Variants in GABBR2 observed in about 807,000 individuals in gnomAD.
GABBR2 encodes the protein gamma-aminobutyric acid type B receptor subunit 2.
Under a neutral mutation model 105.6 loss-of-function variants are expected in GABBR2, and 23 were observed. That is an observed-to-expected ratio of 0.22 (90% CI 0.16 to 0.31). The LOEUF (loss-of-function observed/expected upper bound fraction) is 0.31. Ranked by LOEUF, GABBR2 falls within the 10% of genes least tolerant of loss-of-function variation. The pLI, the probability that GABBR2 is intolerant of heterozygous loss-of-function variation, is 1.00. For missense variants in GABBR2, 734 were observed against 1,245.5 expected (o/e 0.59, Z 6.18); for synonymous variants, 478 against 499.7 (o/e 0.96, Z 0.58).
At chr9:98,507,873 AC>A (rs1827544675) in intron 3 of GABBR2, among the ~76,000 whole-genome samples, 1 of 152,108 alleles carries the variant, frequency 6.6e-6, no homozygotes, top group Non-Finnish European at 1.5e-5. Flanking sequence ...AGGTCCAAGC[AC>A]CTTTCTTGGA....
chr9:98,366,119 A>G (rs1831671683), intron 12 of GABBR2, among the ~76,000 whole-genome samples: 1 of 152,054 alleles, frequency 6.6e-6, no homozygotes, highest in Non-Finnish European at 1.5e-5. Context: ...TTCCCTTCCC[A>G]CTCTGAACCA....
chr9:98,654,033 A>T (rs1830144863), intron 1 of GABBR2, among the ~76,000 whole-genome samples: 1 of 152,260 alleles, frequency 6.6e-6, no homozygotes, highest in South Asian at 2.1e-4. Flanking sequence ...CCTGGGACTT[A>T]CATTCTGGTT....
chr9:98,551,422 C>A (rs1033120970), intron 2 of GABBR2, among the ~76,000 whole-genome samples: 1 of 152,070 alleles, frequency 6.6e-6, no homozygotes, highest in Admixed American at 6.5e-5. Flanking sequence ...CAAACCAAAC[C>A]AAACAAAACA....
chr9:98,668,247 T>TAACAA (rs373653874), intron 1 of GABBR2, among the ~76,000 whole-genome samples: 1 of 1,210 alleles, frequency 8.3e-4, no homozygotes, highest in African/African-American at 0.011. Flanking sequence ...GATCCCAACT[T>TAACAA]AACAGTGGCT....
intron 13 of GABBR2, among the ~76,000 whole-genome samples, chr9:98,344,602 C>G (rs1831273148): frequency 1.3e-5 from 2 of 152,096 alleles, no homozygotes; most frequent in Non-Finnish European, 2.9e-5. Flanking sequence ...TCTCTCTTGA[C>G]CATCTGCCTG....
At chr9:98,471,571 C>T (rs1826681524) in intron 6 of GABBR2, among the ~76,000 whole-genome samples, 1 of 152,254 alleles carries the variant, frequency 6.6e-6, no homozygotes, top group African/African-American at 2.4e-5. Flanking sequence ...CTGAAAGCCA[C>T]ACCCTTAGAA....
chr9:98,560,805 C>T (rs1004330413), intron 2 of GABBR2, among the ~76,000 whole-genome samples: 6 of 146,704 alleles, frequency 4.1e-5, no homozygotes, highest in Non-Finnish European at 3.0e-5. Context: ...TATACATAGA[C>T]ACACATATAC....
intron 7 of GABBR2, among the ~76,000 whole-genome samples, chr9:98,442,408 T>C (rs1826048770): frequency 6.6e-6 from 1 of 152,236 alleles, no homozygotes; most frequent in South Asian, 2.1e-4. Context: ...AGAGCTTTTA[T>C]AGGTGTAGGA....
intron 1 of GABBR2, among the ~76,000 whole-genome samples, chr9:98,685,684 T>A (rs1830611677): frequency 6.6e-6 from 1 of 152,176 alleles, no homozygotes; most frequent in Non-Finnish European, 1.5e-5. Flanking sequence ...TAAACTATAG[T>A]TTTTGATTTT....
intron 3 of GABBR2, among the ~76,000 whole-genome samples, chr9:98,507,177 A>G (rs548487178): frequency 4.2e-4 from 64 of 152,254 alleles, no homozygotes; most frequent in African/African-American, 1.5e-3. Flanking sequence ...CCCTTCCCCC[A>G]ACAATGTCCA....
At position 98,535,114 on chromosome 9, in the gene GABBR2, G is replaced by A. The variant is rs115598078; in HGVS notation, c.630+6759C>T. Among the ~76,000 whole-genome samples, 224 of 152,114 alleles carry A rather than the reference G, an allele frequency of 1.5e-3. 1 individual carries two copies. Among genetic ancestry groups the A allele is most frequent in the African/African-American group, 5.1e-3 (213 of 41,506 alleles). Reference sequence around the variant, plus strand: ...GGATATTTTTTTTCAGGGGGGCACCGGGGGAACAGAGTCTCACTCTGTTGC... The same window carrying A: ...GGATATTTTTTTTCAGGGGGGCACCAGGGGAACAGAGTCTCACTCTGTTGC... On this transcript the variant is annotated intron_variant, in intron 3 of 18. Coordinates refer to ENST00000259455, the MANE Select transcript of GABBR2 (RefSeq NM_005458.8).
chr9:98,305,067 C>G (rs1830530159), intron 15 of GABBR2, among the ~76,000 whole-genome samples: 1 of 152,136 alleles, frequency 6.6e-6, no homozygotes, highest in South Asian at 2.1e-4. Context: ...GCCACCATGC[C>G]TGGCCACCTT....
chr9:98,611,718 T>C (rs767892482), intron 1 of GABBR2, among the ~76,000 whole-genome samples: 1 of 152,164 alleles, frequency 6.6e-6, no homozygotes, highest in African/African-American at 2.4e-5. Context: ...CAATTCTGGG[T>C]AGGTTCCCCA....
chr9:98,706,402 A>G (rs1329072575), intron 1 of GABBR2, among the ~76,000 whole-genome samples: 2 of 152,334 alleles, frequency 1.3e-5, no homozygotes, highest in East Asian at 1.9e-4. Flanking sequence ...GGGCCCCTTC[A>G]AAAGGCTAGA....
chr9:98,619,818 A>G (rs1829642899), intron 1 of GABBR2, among the ~76,000 whole-genome samples: 1 of 152,314 alleles, frequency 6.6e-6, no homozygotes, highest in Non-Finnish European at 1.5e-5. Context: ...ATGCACCTCC[A>G]TCATGAAAAA....
chr9:98,642,606 T>A (rs1040975253), intron 1 of GABBR2, among the ~76,000 whole-genome samples: 3 of 152,238 alleles, frequency 2.0e-5, no homozygotes, highest in African/African-American at 7.2e-5. Context: ...AGCCCAGTGT[T>A]TTCAAACTGC....
chr9:98,659,097 T>C (rs1234878227), intron 1 of GABBR2, among the ~76,000 whole-genome samples: 2 of 152,250 alleles, frequency 1.3e-5, no homozygotes, highest in Admixed American at 6.5e-5. Flanking sequence ...TGGGTTGTTT[T>C]AGATATCATG....
intron 2 of GABBR2, among the ~76,000 whole-genome samples, chr9:98,574,323 C>T (rs1271656745): frequency 1.3e-5 from 2 of 152,252 alleles, no homozygotes; most frequent in Non-Finnish European, 2.9e-5. Flanking sequence ...AAGCTAAGTC[C>T]CAAAAGACTT....
At chr9:98,604,838 C>T (rs962774556) in intron 1 of GABBR2, among the ~76,000 whole-genome samples, 2 of 152,206 alleles carry the variant, frequency 1.3e-5, no homozygotes, top group African/African-American at 2.4e-5. Flanking sequence ...AAGTGGCTTT[C>T]CTGAGGACTC....
Sources: allele counts gnomAD v4.1 joint callset (sites outside exome capture counted in the v4.1 genomes callset), GRCh38; gene constraint gnomAD v4.1.1; transcripts MANE v1.5; gene names NCBI Gene and HGNC (gene_info 2026-07-23, HGNC 2026-07-21).